Variants in CCDC57 observed in about 807,000 individuals in gnomAD.
CCDC57 encodes coiled-coil domain-containing protein 57.
CCDC57 carries 118 observed loss-of-function variants against 118.9 expected under a neutral mutation model. The observed-to-expected ratio is 0.99, with a 90% CI of 0.86 to 1.16. The LOEUF (loss-of-function observed/expected upper bound fraction) is 1.16. Among genes scored for constraint, CCDC57 ranks in the 50% most tolerant of loss-of-function variants. CCDC57 has a pLI of 0.00. For missense variants in CCDC57, 1,300 were observed against 1,320.7 expected (o/e 0.98, Z 0.24); for synonymous variants, 527 against 532.9 (o/e 0.99, Z 0.15).
chr17:82,147,622 T>G, intron 16 of CCDC57, among the ~76,000 whole-genome samples: 1 of 75,852 alleles, frequency 1.3e-5, no homozygotes, highest in African/African-American at 5.3e-5. Context: ...GATGGATGAT[T>G]GGGCGGGTGG....
intron 17 of CCDC57, among the ~76,000 whole-genome samples, chr17:82,131,031 T>A (rs2038281298): frequency 6.7e-6 from 1 of 148,666 alleles, no homozygotes; most frequent in African/African-American, 2.5e-5. Context: ...CAGGCTGGTC[T>A]TGAACTCCTG....
chr17:82,139,347 G>GT, intron 16 of CCDC57, among the ~76,000 whole-genome samples: 1 of 146,176 alleles, frequency 6.8e-6, no homozygotes, highest in Non-Finnish European at 1.5e-5. Context: ...GTCATCCACA[G>GT]TTTTTTTATT....
At chr17:82,140,796 GC>G (rs1370941923) in intron 16 of CCDC57, among the ~76,000 whole-genome samples, 1 of 152,068 alleles carries the variant, frequency 6.6e-6, no homozygotes, top group Non-Finnish European at 1.5e-5. Context: ...GGAGAACCCG[GC>G]ACAGCGCCTG....
chr17:82,186,748 T>C (rs2046972141), intron 8 of CCDC57, among the ~76,000 whole-genome samples: 1 of 151,762 alleles, frequency 6.6e-6, no homozygotes, highest in Non-Finnish European at 1.5e-5. Context: ...TGGAAACCAG[T>C]TTAGGCAACA....
chr17:82,126,685 G>C, intron 19 of CCDC57: 1 of 985,444 alleles, frequency 1.0e-6, no homozygotes, highest in Non-Finnish European at 1.2e-6. Flanking sequence ...AGGCGATGCT[G>C]TCCACCACAC....
chr17:82,125,457 C>T (rs1467321756), intron 19 of CCDC57, among the ~76,000 whole-genome samples: 1 of 151,814 alleles, frequency 6.6e-6, no homozygotes, highest in African/African-American at 2.4e-5. Flanking sequence ...CTCCCTACAA[C>T]CTCCACCTCC....
At chr17:82,161,274 T>G (rs2043296187) in intron 14 of CCDC57, among the ~76,000 whole-genome samples, 1 of 152,100 alleles carries the variant, frequency 6.6e-6, no homozygotes. Flanking sequence ...GTGTGGCTGC[T>G]GGGGAAAACA....
At chr17:82,166,883 T>G (rs1157018570) in intron 13 of CCDC57, among the ~76,000 whole-genome samples, 5 of 151,600 alleles carry the variant, frequency 3.3e-5, no homozygotes, top group African/African-American at 1.2e-4. Context: ...ACTACCACAC[T>G]CCAGACTGGA....
chr17:82,201,348 C>T (rs187067483), intron 3 of CCDC57, among the ~76,000 whole-genome samples, 190 bp downstream of exon 2: 11 of 152,360 alleles, frequency 7.2e-5, no homozygotes, highest in African/African-American at 1.9e-4. Context: ...TCCACATTAA[C>T]TCAACAAACA....
chr17:82,133,796 G>A (rs537314788), intron 17 of CCDC57, among the ~76,000 whole-genome samples: 1 of 152,092 alleles, frequency 6.6e-6, no homozygotes, highest in Admixed American at 6.6e-5. Flanking sequence ...GGAGGGGGAG[G>A]TTGTAGTGAG....
Position 82,202,087 on chromosome 17 carries a change from T to A in CCDC57, c.-8-135A>T, listed in dbSNP as rs568476765. 87 of 901,678 alleles carry A rather than the reference T, an allele frequency of 9.6e-5. 3 individuals carry two copies. The South Asian group carries it at 1.5e-3, about 16-fold the overall frequency. 55.9% of individuals were successfully genotyped at this position (901,678 alleles called of 1,614,324 possible). The stretch of plus-strand genomic sequence containing the variant: ...GGCTCACACCTGTAATCCCAGCCCT[T>A]TGGGAGGCCGAGGCAGGCGGATCAC... On this transcript the variant is annotated intron_variant, in intron 2 of 19. Coordinates refer to ENST00000665763, the Ensembl canonical transcript of CCDC57.
At chr17:82,180,328 T>C (rs1051489228) in intron 9 of CCDC57, among the ~76,000 whole-genome samples, 1 of 152,150 alleles carries the variant, frequency 6.6e-6, no homozygotes, top group Non-Finnish European at 1.5e-5. Context: ...CATCATTGAT[T>C]CCAGCCTGGA....
At chr17:82,127,883 G>A (rs1262459274) in exon 19 of CCDC57, 6 of 1,612,190 alleles carry the variant, frequency 3.7e-6, no homozygotes, top group Non-Finnish European at 5.1e-6. Flanking sequence ...TGATTTACAG[G>A]TCACCGTGTG....
rs757744108 is a variant in CCDC57, at chr17:82,198,312, A to C, written c.516+2T>G. On this transcript the variant is annotated splice_donor_variant, in intron 4 of 19. Transcript: ENST00000665763. LOFTEE classifies it high-confidence loss of function. Reference sequence around the variant, plus strand: ...AGGAAGGGGCCGACCCAGAGGCTCTACCTGTCTCTGCAGAGCAAGCTCACC... The same window carrying C: ...AGGAAGGGGCCGACCCAGAGGCTCTCCCTGTCTCTGCAGAGCAAGCTCACC... The C allele has an allele frequency of 1.3e-6, 2 of 1,596,962 alleles. No homozygotes were observed. The highest frequency in any genetic ancestry group is 1.7e-6 in the Non-Finnish European group (2 of 1,165,370).
chr17:82,127,891 G>A, exon 19 of CCDC57: 1 of 1,612,276 alleles, frequency 6.2e-7, no homozygotes, highest in South Asian at 1.1e-5. Context: ...AGGTCACCGT[G>A]TGGATGCTGT....
At chr17:82,179,387 T>C (rs1475101307) in intron 9 of CCDC57, among the ~76,000 whole-genome samples, 198 bp from the exon 9 acceptor site, 1 of 152,080 alleles carries the variant, frequency 6.6e-6, no homozygotes, top group Non-Finnish European at 1.5e-5. Context: ...GCGCCAAGGA[T>C]GCCCAGATGC....
intron 19 of CCDC57, among the ~76,000 whole-genome samples, chr17:82,116,040 AC>A (rs1214171182): frequency 2.3e-5 from 3 of 130,252 alleles, no homozygotes; most frequent in Non-Finnish European, 4.8e-5. Flanking sequence ...CTCATGATCC[AC>A]CCGCCTCAGC....
intron 2 of CCDC57, among the ~76,000 whole-genome samples, chr17:82,205,835 C>T (rs2049558819): frequency 6.6e-6 from 1 of 152,216 alleles, no homozygotes; most frequent in African/African-American, 2.4e-5. Flanking sequence ...ACTCAGGACC[C>T]ATAAGAAGCC....
intron 13 of CCDC57, among the ~76,000 whole-genome samples, chr17:82,165,377 G>A (rs1019428811): frequency 2.6e-5 from 4 of 152,086 alleles, no homozygotes; most frequent in African/African-American, 9.7e-5. Flanking sequence ...GAGAAATGAA[G>A]GCTGAGTGTC....
Sources: allele counts gnomAD v4.1 joint callset (sites outside exome capture counted in the v4.1 genomes callset), GRCh38; gene constraint gnomAD v4.1.1; transcripts MANE v1.5; gene names NCBI Gene and HGNC (gene_info 2026-07-23, HGNC 2026-07-21).